The following SCARA3 variants were observed in gnomAD, a reference collection of about 807,000 sequenced individuals.
SCARA3 encodes the protein cellular stress response gene protein.
SCARA3 carries 39 observed loss-of-function variants against 47.0 expected under a neutral mutation model. The observed-to-expected ratio is 0.83, with a 90% CI of 0.64 to 1.08. The LOEUF is 1.08. Ranked by LOEUF, SCARA3 falls within the 50% of genes least tolerant of loss-of-function variation. The pLI is 0.00. For synonymous variants in SCARA3, 356 were observed against 334.1 expected (o/e 1.07, Z -0.71); for missense variants, 724 against 792.3 (o/e 0.91, Z 1.04).
At chr8:27,725,246 A>G in the SCARA3 span, among the ~76,000 whole-genome samples, 1 of 152,142 alleles carries the variant, frequency 6.6e-6, no homozygotes, top group Non-Finnish European at 1.5e-5. Context: ...GAAGCAGATG[A>G]TTATCACAAA....
chr8:27,659,332 G>C lies in SCARA3; in HGVS notation c.1162G>C (p.Gly388Arg). 1 of 1,614,072 alleles carries C rather than the reference G, an allele frequency of 6.2e-7. No individual in the cohort carries two copies. Among genetic ancestry groups the C allele is most frequent in the African/African-American group, 1.3e-5 (1 of 75,006 alleles). Residue 388 changes from glycine to arginine, a missense_variant, in exon 5 of 6, where the codon GGC (glycine) becomes CGC (arginine). Physicochemically the swap from Gly to Arg is moderately radical, Grantham distance 125. Coordinates refer to ENST00000301904, the MANE Select transcript of SCARA3 (RefSeq NM_016240.3). The part of the protein sequence containing the change: ...LDDVRLSCTL[G>R]FHTHAEELYY... Reference sequence around the variant, plus strand: ...TGACGTGCGGCTCTCCTGCACGCTGGGCTTCCACACCCATGCCGAGGAGCT... The same window carrying C: ...TGACGTGCGGCTCTCCTGCACGCTGCGCTTCCACACCCATGCCGAGGAGCT...
At chr8:27,648,416 A>G (rs1801554165) in intron 1 of SCARA3, among the ~76,000 whole-genome samples, 1 of 152,182 alleles carries the variant, frequency 6.6e-6, no homozygotes, top group African/African-American at 2.4e-5. Context: ...CATCCTGGCT[A>G]ACATGGTGAA....
chr8:27,732,236 G>T, the SCARA3 span, among the ~76,000 whole-genome samples: 1 of 151,084 alleles, frequency 6.6e-6, no homozygotes, highest in Non-Finnish European at 1.5e-5. Flanking sequence ...AATTCCTTGT[G>T]TTTTTTTTTC....
chr8:27,712,768 TA>T, the SCARA3 span, among the ~76,000 whole-genome samples: 1 of 152,156 alleles, frequency 6.6e-6, no homozygotes, highest in Non-Finnish European at 1.5e-5. Context: ...TGTGTAGACG[TA>T]AGTTTTTAAC....
At chr8:27,653,593 G>T (rs1205684946) in intron 3 of SCARA3, among the ~76,000 whole-genome samples, 1 of 152,084 alleles carries the variant, frequency 6.6e-6, no homozygotes, top group Non-Finnish European at 1.5e-5. Flanking sequence ...GTGTGTGTGT[G>T]TGTGTGTATG....
At chr8:27,726,836 A>T in the SCARA3 span, among the ~76,000 whole-genome samples, 1 of 151,852 alleles carries the variant, frequency 6.6e-6, no homozygotes, top group African/African-American at 2.4e-5. Flanking sequence ...CCCAGGCTGG[A>T]GTGCAGTGGT....
Position 27,634,172 on chromosome 8 carries a change from GC to G in SCARA3, c.-26del. ...TACAGCTCCAGCCGCCTGCAGCGGG[GC>G]CCTCCTGAGGCCCCAGAGGAAGAGA... On this transcript the variant is annotated 5_prime_UTR_variant, in exon 1 of 6. Transcript: ENST00000301904. 6.9e-7 allele frequency: 1 copy of G among 1,443,948 alleles called. No individual in the cohort carries two copies. The allele number at this position is 1,443,948 out of a possible 1,614,324, so 89.4% of individuals were successfully genotyped here. A position where few individuals can be genotyped will look rare whatever the true frequency, so the allele number is the denominator to read the frequency against.
At chr8:27,684,136 A>G in the SCARA3 span, among the ~76,000 whole-genome samples, 212 of 152,328 alleles carry the variant, frequency 1.4e-3, no homozygotes, top group Non-Finnish European at 2.0e-3. Context: ...TTAGACAGGT[A>G]TCTACATTTG....
chr8:27,699,617 C>G, the SCARA3 span, among the ~76,000 whole-genome samples: 1 of 152,076 alleles, frequency 6.6e-6, no homozygotes. Context: ...GTTGGAGGGC[C>G]TATACTACAT....
the SCARA3 span, among the ~76,000 whole-genome samples, chr8:27,726,125 C>T: frequency 6.6e-6 from 1 of 152,146 alleles, no homozygotes; most frequent in East Asian, 1.9e-4. Flanking sequence ...GTCTATGAAA[C>T]CTGTGCATGA....
intron 5 of SCARA3, among the ~76,000 whole-genome samples, chr8:27,664,909 CT>C (rs1041590244): frequency 2.6e-5 from 4 of 152,176 alleles, no homozygotes; most frequent in African/African-American, 7.2e-5. Flanking sequence ...AGCCTCTCTC[CT>C]GGTTGTTAAA....
At chr8:27,656,753 C>A in intron 3 of SCARA3, 29 bp from the exon 4 acceptor site, 1 of 1,382,894 alleles carries the variant, frequency 7.2e-7, no homozygotes, top group Non-Finnish European at 1.0e-6. Context: ...TTAGACCCTG[C>A]CCCAGCTTCT....
chr8:27,690,860 T>A, the SCARA3 span, among the ~76,000 whole-genome samples: 22 of 152,112 alleles, frequency 1.4e-4, no homozygotes, highest in Admixed American at 8.5e-4. Context: ...TTTTTTAATT[T>A]TTTTTGGAGA....
the SCARA3 span, among the ~76,000 whole-genome samples, chr8:27,704,527 C>T: frequency 6.6e-6 from 1 of 152,128 alleles, no homozygotes; most frequent in East Asian, 1.9e-4. Flanking sequence ...GATCTCAGTG[C>T]TGCCTCGCAA....
chr8:27,713,986 T>G, the SCARA3 span, among the ~76,000 whole-genome samples: 1 of 152,008 alleles, frequency 6.6e-6, no homozygotes, highest in African/African-American at 2.4e-5. Flanking sequence ...CATTTAAAAG[T>G]GTGTGGCACT....
At chr8:27,665,868 G>T (rs1341623657) in intron 5 of SCARA3, among the ~76,000 whole-genome samples, 1 of 152,162 alleles carries the variant, frequency 6.6e-6, no homozygotes, top group South Asian at 2.1e-4. Flanking sequence ...GTTACTCATC[G>T]AGGACCCGGC....
the SCARA3 span, among the ~76,000 whole-genome samples, chr8:27,712,426 A>G: frequency 1.3e-5 from 2 of 150,656 alleles, no homozygotes; most frequent in Non-Finnish European, 3.0e-5. Flanking sequence ...AGCCGGGCGT[A>G]GTGGCGGGCG....
chr8:27,639,125 C>T (rs1801326188), intron 1 of SCARA3, among the ~76,000 whole-genome samples: 1 of 152,166 alleles, frequency 6.6e-6, no homozygotes, highest in South Asian at 2.1e-4. Flanking sequence ...TCCCCTTCAC[C>T]TGAACCCAAG....
the SCARA3 span, among the ~76,000 whole-genome samples, chr8:27,689,504 C>T: frequency 6.6e-6 from 1 of 152,176 alleles, no homozygotes; most frequent in African/African-American, 2.4e-5. Flanking sequence ...ATCTCATAAC[C>T]TCCCCACAGC....
Sources: allele counts gnomAD v4.1 joint callset (sites outside exome capture counted in the v4.1 genomes callset), GRCh38; gene constraint gnomAD v4.1.1; transcripts MANE v1.5; gene names NCBI Gene and HGNC (gene_info 2026-07-23, HGNC 2026-07-21).